DOCK8: variants seen among roughly 807,000 people sequenced by gnomAD.
The protein encoded by DOCK8 is dedicator of cytokinesis 8, also known as dedicator of cytokinesis protein 8.
A neutral mutation model predicts 245.6 loss-of-function variants in DOCK8; 141 were observed. The ratio of observed to expected loss-of-function variants is 0.57; its 90% confidence interval spans 0.50 to 0.66. The LOEUF is 0.66. Among genes scored for constraint, DOCK8 ranks in the 30% least tolerant of loss-of-function variants. The pLI, the probability that DOCK8 is intolerant of heterozygous loss-of-function variation, is 0.00. For synonymous variants in DOCK8, 1,168 were observed against 970.2 expected, an observed-to-expected ratio of 1.20 and a Z score of -3.79; for missense variants, 2,965 against 2,603.4, an observed-to-expected ratio of 1.14 and a Z score of -3.02.
intron 26 of DOCK8, among the ~76,000 whole-genome samples, chr9:400,187 T>TC (rs2054776282): frequency 3.9e-5 from 1 of 25,690 alleles, no homozygotes; most frequent in East Asian, 1.2e-3. Context: ...ACCACCTCCT[T>TC]CACCATCACC....
chr9:310,128 G>A (rs56124338), intron 5 of DOCK8, among the ~76,000 whole-genome samples: 2 of 152,198 alleles, frequency 1.3e-5, no homozygotes, highest in African/African-American at 2.4e-5. Context: ...TTAGCCAGGC[G>A]TGGTGGCGCG....
chr9:334,197 C>T, intron 10 of DOCK8, 28 bp from the exon 11 acceptor site: 1 of 1,613,904 alleles, frequency 6.2e-7, no homozygotes, highest in Non-Finnish European at 8.5e-7. Context: ...ATGCTTGTTT[C>T]AGCTTGTTTC....
Position 336,672 on chromosome 9 carries a change from C to G in DOCK8, c.1376C>G (p.Ser459Cys), listed in dbSNP as rs1208848727. 1.2e-6 allele frequency: 2 copies of G among 1,613,952 alleles called. No individual in the cohort carries two copies. The highest frequency in any genetic ancestry group is 1.3e-5 in the African/African-American group (1 of 74,894). ...ALSLEENGVG[S>C]NFKTSTLSVS... ...TCCTTGGAGGAAAATGGGGTTGGAT[C>G]CAACTTCAAAACCTCCACTCTGAGC... is the stretch of plus-strand genomic sequence containing the variant. Residue 459 changes from serine (S) to cysteine (C), a missense_variant, in exon 12 of 48, where the codon TCC becomes TGC. Around this residue, in one of 3 missense-constraint regions of DOCK8, gnomAD observed 2,825 missense variants for 2,453.5 expected, o/e 1.15. Transcript: ENST00000432829.
At position 271,629 on chromosome 9, in the gene DOCK8, A is replaced by T. The variant is rs578093992; in HGVS notation, c.56A>T (p.Tyr19Phe). The change falls in exon 2 of 48, where the codon TAT (tyrosine) becomes TTT (phenylalanine). Residue 19 changes from tyrosine (Y) to phenylalanine (F), a missense_variant and splice_region_variant. Transcript: ENST00000432829. The stretch of plus-strand genomic sequence containing the variant: ...AGATTTTTCTATTTTAATCCAAGGT[A>T]TTCTTCAGCGGAAATAAGGAAACAG... ...RRAFALKINR[Y>F]SSAEIRKQFT... The T allele has an allele frequency of 6.5e-7, 1 of 1,542,740 alleles. No individual in the cohort carries two copies. Among genetic ancestry groups the T allele is most frequent in the Non-Finnish European group, 8.8e-7 (1 of 1,138,910 alleles).
chr9:393,085 C>CAAAAAAAAAAAAAA (rs1159933739), intron 24 of DOCK8, among the ~76,000 whole-genome samples: 3 of 44,750 alleles, frequency 6.7e-5, no homozygotes, highest in Non-Finnish European at 8.3e-5. Context: ...GACCCTGTCT[C>CAAAAAAAAAAAAAA]AAAAAAAAAA....
At chr9:387,697 A>G (rs1265511650) in intron 23 of DOCK8, among the ~76,000 whole-genome samples, 4 of 152,176 alleles carry the variant, frequency 2.6e-5, no homozygotes, top group Non-Finnish European at 4.4e-5. Context: ...CTATAAAAGG[A>G]AAAGTGAAAA....
At chr9:351,791 C>A (rs1463440790) in intron 14 of DOCK8, among the ~76,000 whole-genome samples, 1 of 152,216 alleles carries the variant, frequency 6.6e-6, no homozygotes, top group African/African-American at 2.4e-5. Flanking sequence ...GATGTCATGG[C>A]AACAGTCTTC....
At chr9:354,256 C>T (rs1010883710) in intron 14 of DOCK8, among the ~76,000 whole-genome samples, 24 of 152,076 alleles carry the variant, frequency 1.6e-4, no homozygotes, top group Admixed American at 1.4e-3. Flanking sequence ...CACTTGAACC[C>T]GAGAGGTGGA....
At chr9:216,939 C>T (rs2046769797) in intron 1 of DOCK8, among the ~76,000 whole-genome samples, 1 of 152,154 alleles carries the variant, frequency 6.6e-6, no homozygotes, top group South Asian at 2.1e-4. Context: ...GCTACAAAGT[C>T]ACTGTGCAAC....
intron 9 of DOCK8, among the ~76,000 whole-genome samples, chr9:330,916 A>G (rs565706788): frequency 3.2e-4 from 48 of 152,326 alleles, no homozygotes; most frequent in African/African-American, 1.1e-3. Context: ...AGGGCATAGT[A>G]TCTGCTGGTC....
Position 334,404 on chromosome 9 carries a change from TG to T in DOCK8, c.1285+23del. The stretch of plus-strand genomic sequence containing the variant: ...TGGTTGGTAAGATTTTCACCTGCAG[TG>T]GGAAAGGGAGGGCTCCCCAGTGTGC... On this transcript the variant is annotated intron_variant, in intron 11 of 47. Coordinates refer to ENST00000432829, the MANE Select transcript of DOCK8 (RefSeq NM_203447.4). 1 of 1,609,826 alleles carries T rather than the reference TG, an allele frequency of 6.2e-7. No homozygotes were observed. The highest frequency in any genetic ancestry group is 8.5e-7 in the Non-Finnish European group (1 of 1,177,172).
At chr9:246,857 C>A (rs547178570) in intron 1 of DOCK8, among the ~76,000 whole-genome samples, 2 of 152,166 alleles carry the variant, frequency 1.3e-5, no homozygotes, top group Non-Finnish European at 2.9e-5. Context: ...CTCAACTGAT[C>A]CTCCTTTCTC....
chr9:281,426 A>G (rs757360701), intron 2 of DOCK8, among the ~76,000 whole-genome samples: 1 of 152,238 alleles, frequency 6.6e-6, no homozygotes, highest in Non-Finnish European at 1.5e-5. Context: ...ATAGCAGAAC[A>G]GCAGAGAAAG....
At chr9:273,763 T>C (rs1972351) in intron 2 of DOCK8, among the ~76,000 whole-genome samples, 79,819 of 150,860 alleles carry the variant, frequency 0.53, 21,629 homozygotes, top group South Asian at 0.64. Context: ...TCTCGGCTCA[T>C]CGCAACCTCT....
chr9:313,230 A>G (rs901319450), intron 6 of DOCK8, among the ~76,000 whole-genome samples: 2 of 152,228 alleles, frequency 1.3e-5, no homozygotes, highest in Admixed American at 6.5e-5. Context: ...CTAAAGGGCA[A>G]TTAGCCTTCA....
intron 28 of DOCK8, among the ~76,000 whole-genome samples, chr9:408,304 A>T (rs1201057209): frequency 6.6e-6 from 1 of 152,194 alleles, no homozygotes. Flanking sequence ...ACCCAGGCTG[A>T]CACCGCTGAA....
intron 2 of DOCK8, among the ~76,000 whole-genome samples, chr9:283,322 GA>G (rs2130225136): frequency 6.6e-6 from 1 of 152,322 alleles, no homozygotes; most frequent in Non-Finnish European, 1.5e-5. Context: ...GTGCCTCCAT[GA>G]CGCCACAAGT....
At chr9:280,502 A>G (rs920145953) in intron 2 of DOCK8, among the ~76,000 whole-genome samples, 14 of 152,208 alleles carry the variant, frequency 9.2e-5, no homozygotes, top group African/African-American at 3.4e-4. Context: ...CGCAGGGCAG[A>G]TAGTCAGGAA....
chr9:314,369 A>G (rs1453528706), intron 6 of DOCK8: 2 of 152,364 alleles, frequency 1.3e-5, no homozygotes, highest in Non-Finnish European at 2.9e-5. Context: ...TAAAGGATGC[A>G]GAGAATATGT....
Sources: allele counts gnomAD v4.1 joint callset (sites outside exome capture counted in the v4.1 genomes callset), GRCh38; gene constraint gnomAD v4.1.1; regional missense constraint gnomAD v4.1.1; transcripts MANE v1.5; gene names NCBI Gene and HGNC (gene_info 2026-07-23, HGNC 2026-07-21).